The following GPATCH1 variants were observed in gnomAD, a reference collection of about 807,000 sequenced individuals.
The protein encoded by GPATCH1 is G patch domain-containing protein 1.
Under a neutral mutation model 114.9 loss-of-function variants are expected in GPATCH1, and 73 were observed. The observed-to-expected ratio is 0.64, with a 90% confidence interval of 0.53 to 0.77. GPATCH1 has a LOEUF of 0.77. Ranked by LOEUF, GPATCH1 falls within the 30% of genes least tolerant of loss-of-function variation. GPATCH1 has a pLI of 0.00. For synonymous variants in GPATCH1, 391 were observed against 428.4 expected (o/e 0.91, Z 1.08); for missense variants, 1,058 against 1,144.3 (o/e 0.92, Z 1.09).
intron 3 of GPATCH1, 27 bp from the exon 4 acceptor site, chr19:33,093,332 T>C (rs1972617896): frequency 2.6e-6 from 4 of 1,527,042 alleles, no homozygotes; most frequent in Admixed American, 1.7e-5. Flanking sequence ...TTCCAAATAA[T>C]GTAATTCTGT....
chr19:33,111,385 G>GAAAA (rs10709432), intron 11 of GPATCH1, among the ~76,000 whole-genome samples: 3 of 88,138 alleles, frequency 3.4e-5, no homozygotes, highest in Non-Finnish European at 4.6e-5. Flanking sequence ...CTCCATCTCA[G>GAAAA]AAAAAAAAAA....
At chr19:33,098,287 G>T (rs1236977407) in intron 8 of GPATCH1, among the ~76,000 whole-genome samples, 7 of 152,226 alleles carry the variant, frequency 4.6e-5, no homozygotes, top group Non-Finnish European at 1.0e-4. Flanking sequence ...CAAGCCAGGG[G>T]ACCAGGAGGC....
rs780289468 is a variant in GPATCH1 at position 33,088,282 on chromosome 19, A to T, written c.208+14A>T. The T allele has an allele frequency of 5.1e-6, 8 of 1,571,932 alleles. No individual in the cohort carries two copies. The highest frequency in any genetic ancestry group is 6.1e-6 in the Non-Finnish European group (7 of 1,151,940). On this transcript the variant is annotated intron_variant, in intron 2 of 19. Transcript: ENST00000170564. ...GCTCAAAAGAAGGTATCATTTTCCT[A>T]ATTGTAGCTATTATACCATTAAAGC...
intron 17 of GPATCH1, among the ~76,000 whole-genome samples, chr19:33,123,469 G>T (rs534498042): frequency 5.4e-4 from 82 of 152,074 alleles, no homozygotes; most frequent in African/African-American, 1.9e-3. Flanking sequence ...GAAAAATCTG[G>T]TTGGGCATGG....
chr19:33,088,356 A>G, intron 2 of GPATCH1, 88 bp downstream of exon 2: 1 of 958,204 alleles, frequency 1.0e-6, no homozygotes, highest in Non-Finnish European at 1.5e-6. Context: ...TTTTTTTTTT[A>G]ATTTTGAGAC....
intron 15 of GPATCH1, among the ~76,000 whole-genome samples, chr19:33,115,075 T>C (rs1362933067): frequency 6.6e-6 from 1 of 151,366 alleles, no homozygotes; most frequent in East Asian, 1.9e-4. Flanking sequence ...TTTTTTTTTT[T>C]TCTCTGACAC....
At chr19:33,101,140 C>T (rs1972721486) in intron 8 of GPATCH1, among the ~76,000 whole-genome samples, 1 of 152,214 alleles carries the variant, frequency 6.6e-6, no homozygotes, top group African/African-American at 2.4e-5. Context: ...TTCCTCCATG[C>T]TTGTCCTTTT....
intron 7 of GPATCH1, among the ~76,000 whole-genome samples, chr19:33,096,941 T>A (rs574119917): frequency 7.0e-6 from 1 of 142,884 alleles, no homozygotes; most frequent in Non-Finnish European, 1.5e-5. Flanking sequence ...CTTTTCTTTC[T>A]TTCTTTCTTT....
intron 6 of GPATCH1, 98 bp from the exon 7 acceptor site, chr19:33,096,109 T>C: frequency 8.1e-7 from 1 of 1,239,854 alleles, no homozygotes; most frequent in Non-Finnish European, 1.1e-6. Context: ...TGCTAATTGT[T>C]CTGTGTGGCA....
chr19:33,125,999 C>A (rs1036450671), intron 18 of GPATCH1, among the ~76,000 whole-genome samples: 1 of 152,140 alleles, frequency 6.6e-6, no homozygotes, highest in Non-Finnish European at 1.5e-5. Flanking sequence ...GTTGGGTACC[C>A]AAAGTAGTCT....
intron 1 of GPATCH1, among the ~76,000 whole-genome samples, chr19:33,085,094 C>T (rs1053109791): frequency 6.6e-6 from 1 of 152,184 alleles, no homozygotes; most frequent in Admixed American, 6.5e-5. Flanking sequence ...CAGAAGTGCT[C>T]CAGTACGTGC....
At chr19:33,107,577 C>T (rs1180605149) in intron 10 of GPATCH1, among the ~76,000 whole-genome samples, 2 of 152,164 alleles carry the variant, frequency 1.3e-5, no homozygotes, top group Non-Finnish European at 2.9e-5. Flanking sequence ...GTCTGAAAGT[C>T]TGGAAAGACA....
intron 1 of GPATCH1, among the ~76,000 whole-genome samples, chr19:33,083,136 C>T (rs1032954501): frequency 2.1e-5 from 3 of 146,288 alleles, no homozygotes; most frequent in African/African-American, 7.6e-5. Flanking sequence ...CCCAGCTACT[C>T]GGGAGGCTGA....
Position 33,118,084 on chromosome 19 carries a change from A to G in GPATCH1, c.2413+43A>G, listed in dbSNP as rs201742277. Reference sequence around the variant, plus strand: ...ACTCGGGGATCTAAAGGAGAAGACAATGACTCTAGGACAGCTGCTTCTCTG... The same window carrying G: ...ACTCGGGGATCTAAAGGAGAAGACAGTGACTCTAGGACAGCTGCTTCTCTG... On this transcript the variant is annotated intron_variant, in intron 16 of 19. Transcript: ENST00000170564. 9.0e-6 allele frequency: 12 copies of G among 1,330,874 alleles called. No homozygotes were observed. The East Asian group carries it at 1.4e-4, about 15-fold the overall frequency. The allele number at this position is 1,330,874 out of a possible 1,614,324, so 82.4% of individuals were successfully genotyped here.
chr19:33,081,486 G>C (rs907748394), intron 1 of GPATCH1, among the ~76,000 whole-genome samples: 3 of 151,884 alleles, frequency 2.0e-5, no homozygotes, highest in African/African-American at 7.3e-5. Context: ...GCCGAACAAG[G>C]GGGCGGCGAG....
At chr19:33,089,508 T>G (rs1055648159) in intron 2 of GPATCH1, among the ~76,000 whole-genome samples, 1 of 152,218 alleles carries the variant, frequency 6.6e-6, no homozygotes, top group African/African-American at 2.4e-5. Context: ...ATCTCAGTTA[T>G]GAATGGAAGA....
At chr19:33,114,538 C>T (rs1331523147) in intron 15 of GPATCH1, 119 bp downstream of exon 15, 4 of 763,632 alleles carry the variant, frequency 5.2e-6, no homozygotes, top group Non-Finnish European at 8.2e-6. Context: ...TCCATTTCCC[C>T]TTAAAGGCCA....
chr19:33,119,021 G>A lies in GPATCH1; in HGVS notation c.2425G>A (p.Ala809Thr). Reference sequence around the variant, plus strand: ...CCGCTGTTTTTCAGCTCTTGTGCCAGCACCCCAGGAGCCGCCACCTTCCTT... The same window carrying A: ...CCGCTGTTTTTCAGCTCTTGTGCCAACACCCCAGGAGCCGCCACCTTCCTT... ...TSSVAHALVP[A>T]PQEPPPSFPI... Residue 809 changes from alanine (A) to threonine (T), a missense_variant, in exon 17 of 20, where the codon GCA (alanine) becomes ACA (threonine). Ala to Thr is a moderately conservative substitution (Grantham distance 58). Transcript: ENST00000170564. 1 of 1,608,706 alleles carries A rather than the reference G, an allele frequency of 6.2e-7. No individual in the cohort carries two copies. The highest frequency in any genetic ancestry group is 8.5e-7 in the Non-Finnish European group (1 of 1,176,856).
At chr19:33,094,395 T>G (rs1401849311) in intron 5 of GPATCH1, 126 bp downstream of exon 5, 1 of 607,320 alleles carries the variant, frequency 1.6e-6, no homozygotes, top group African/African-American at 1.8e-5. Flanking sequence ...ACTGCAGCCT[T>G]GACCTCCCGG....
Sources: gnomAD v4.1 joint callset for allele counts (sites outside exome capture counted in the v4.1 genomes callset) on GRCh38, gnomAD v4.1.1 for gene constraint, MANE v1.5 for transcripts, NCBI Gene and HGNC (gene_info 2026-07-23, HGNC 2026-07-21) for gene names.